The following NUBPL variants were observed in gnomAD, a reference collection of about 807,000 sequenced individuals.
NUBPL encodes the protein iron-sulfur cluster transfer protein NUBPL.
NUBPL carries 31 observed loss-of-function variants against 45.7 expected under a neutral mutation model. The observed-to-expected ratio is 0.68, with a 90% CI of 0.51 to 0.92. NUBPL has a LOEUF of 0.92. Among genes scored for constraint, NUBPL ranks in the 40% least tolerant of loss-of-function variants. The pLI is 0.00. For synonymous variants in NUBPL, 144 were observed against 140.9 expected (o/e 1.02, Z -0.15); for missense variants, 401 against 398.7 (o/e 1.01, Z -0.05).
chr14:31,586,351 C>G (rs1595322095), intron 3 of NUBPL, among the ~76,000 whole-genome samples: 1 of 152,000 alleles, frequency 6.6e-6, no homozygotes, highest in East Asian at 1.9e-4. Context: ...TCCAGTCGTT[C>G]AAAGGTAATA....
chr14:31,740,332 G>T (rs2038256476), intron 6 of NUBPL, among the ~76,000 whole-genome samples: 1 of 152,096 alleles, frequency 6.6e-6, no homozygotes, highest in Non-Finnish European at 1.5e-5. Context: ...CAGTATTCTG[G>T]ATTTTGGTCA....
At chr14:31,678,608 C>T (rs992825222) in intron 6 of NUBPL, among the ~76,000 whole-genome samples, 1 of 152,172 alleles carries the variant, frequency 6.6e-6, no homozygotes, top group Non-Finnish European at 1.5e-5. Flanking sequence ...GGAGTGGGGT[C>T]CTCACAGGTC....
chr14:31,641,366 C>G (rs920918587), intron 4 of NUBPL, among the ~76,000 whole-genome samples: 1 of 152,156 alleles, frequency 6.6e-6, no homozygotes, highest in African/African-American at 2.4e-5. Context: ...CACCAGTCTA[C>G]TACTCTTTAT....
chr14:31,609,094 A>G (rs2034682873), intron 4 of NUBPL, among the ~76,000 whole-genome samples: 3 of 152,180 alleles, frequency 2.0e-5, no homozygotes, highest in African/African-American at 7.2e-5. Flanking sequence ...TAGTAATAAC[A>G]ATGGACTAAA....
chr14:31,816,010 T>C (rs1233899467), intron 7 of NUBPL, among the ~76,000 whole-genome samples: 5 of 152,194 alleles, frequency 3.3e-5, no homozygotes, highest in Non-Finnish European at 7.3e-5. Flanking sequence ...TTTTGTTTTG[T>C]CTCTGCCAGG....
intron 6 of NUBPL, among the ~76,000 whole-genome samples, chr14:31,710,779 C>G (rs1247373215): frequency 6.6e-6 from 1 of 152,194 alleles, no homozygotes; most frequent in Non-Finnish European, 1.5e-5. Context: ...ATTTCTGAGG[C>G]TCCCCATATC....
intron 8 of NUBPL, among the ~76,000 whole-genome samples, chr14:31,827,347 A>G (rs1400798605): frequency 1.5e-5 from 2 of 132,124 alleles, no homozygotes; most frequent in East Asian, 4.5e-4. Context: ...ATTTCTACAA[A>G]GTTAAAAAAA....
intron 6 of NUBPL, among the ~76,000 whole-genome samples, chr14:31,701,517 A>G (rs2037338716): frequency 6.6e-6 from 1 of 152,258 alleles, no homozygotes; most frequent in South Asian, 2.1e-4. Context: ...CGCTCTTCGC[A>G]ATAAATCTTG....
intron 6 of NUBPL, among the ~76,000 whole-genome samples, chr14:31,733,836 C>T (rs574513581): frequency 4.7e-4 from 71 of 152,240 alleles, no homozygotes; most frequent in African/African-American, 1.6e-3. Flanking sequence ...TGTATTTACT[C>T]GTCTTGTATT....
intron 7 of NUBPL, among the ~76,000 whole-genome samples, chr14:31,812,314 G>T (rs2039823373): frequency 2.6e-5 from 4 of 152,190 alleles, no homozygotes; most frequent in Non-Finnish European, 5.9e-5. Flanking sequence ...CCAGCTTCTG[G>T]CCGCTTTGTT....
chr14:31,805,509 T>A (rs561763784), intron 7 of NUBPL, among the ~76,000 whole-genome samples: 3 of 152,298 alleles, frequency 2.0e-5, no homozygotes, highest in African/African-American at 7.2e-5. Context: ...AGATATGGAA[T>A]CAACCTAAAT....
intron 4 of NUBPL, among the ~76,000 whole-genome samples, chr14:31,654,780 T>G (rs2036102573): frequency 6.6e-6 from 1 of 152,208 alleles, no homozygotes; most frequent in Non-Finnish European, 1.5e-5. Flanking sequence ...ATGAATGATT[T>G]GTCTATAGCA....
At chr14:31,694,276 T>G (rs910581331) in intron 6 of NUBPL, among the ~76,000 whole-genome samples, 1 of 152,222 alleles carries the variant, frequency 6.6e-6, no homozygotes, top group Non-Finnish European at 1.5e-5. Context: ...CCTTTCCATT[T>G]TAAAATTATA....
chr14:31,753,883 A>G (rs1185282828), intron 6 of NUBPL, among the ~76,000 whole-genome samples: 1 of 152,202 alleles, frequency 6.6e-6, no homozygotes, highest in Non-Finnish European at 1.5e-5. Flanking sequence ...ACACCATGGT[A>G]AAGCTGAAAA....
intron 4 of NUBPL, among the ~76,000 whole-genome samples, chr14:31,606,095 T>A (rs920954261): frequency 2.3e-5 from 3 of 129,004 alleles, no homozygotes; most frequent in African/African-American, 7.9e-5. Flanking sequence ...TTTTCTTTTC[T>A]TTTCTTTTTT....
Position 31,826,698 on chromosome 14 carries a change from G to A in NUBPL, c.677G>A (p.Arg226His), listed in dbSNP as rs79498789. The A allele has an allele frequency of 1.5e-5, 25 of 1,613,986 alleles. No individual in the cohort carries two copies. The East Asian group carries it at 2.7e-4, about 17-fold the overall frequency. The change falls in exon 8 of 11, where the codon CGC becomes CAC. Residue 226 changes from arginine (R) to histidine (H), a missense_variant. Arg to His is a conservative substitution (Grantham distance 29). Transcript: ENST00000281081. The stretch of plus-strand genomic sequence containing the variant: ...GCACACAAGGGTGCTGAGATGTTTC[G>A]CAGAGTCCACGTGCCCGTAAGCGTT... ...MDAHKGAEMFRRVHVPVLGLV... is the reference protein window; with the variant it reads ...MDAHKGAEMFHRVHVPVLGLV...
At chr14:31,814,726 T>C (rs113096521) in intron 7 of NUBPL, among the ~76,000 whole-genome samples, 2 of 152,266 alleles carry the variant, frequency 1.3e-5, no homozygotes, top group African/African-American at 4.8e-5. Context: ...AGGTGTAAGG[T>C]AGGGGTCCAG....
chr14:31,666,263 A>ATATATATATATATATATTTATT, intron 4 of NUBPL, among the ~76,000 whole-genome samples: 1,421 of 111,044 alleles, frequency 0.013, 182 homozygotes, highest in Non-Finnish European at 0.02. Flanking sequence ...ATATATATAT[A>ATATATATATATATATATTTATT]ATTTTATTTT....
intron 3 of NUBPL, among the ~76,000 whole-genome samples, chr14:31,568,848 T>C (rs891142399): frequency 5.9e-5 from 9 of 152,246 alleles, no homozygotes; most frequent in African/African-American, 1.7e-4. Flanking sequence ...TTTCATGTTG[T>C]ACTTAGTAAT....
Sources: allele counts gnomAD v4.1 joint callset (sites outside exome capture counted in the v4.1 genomes callset), GRCh38; gene constraint gnomAD v4.1.1; transcripts MANE v1.5; gene names NCBI Gene and HGNC (gene_info 2026-07-23, HGNC 2026-07-21).